Variants in MERTK observed in about 807,000 individuals in gnomAD.
MERTK encodes tyrosine-protein kinase Mer.
MERTK carries 69 observed loss-of-function variants against 99.3 expected under a neutral mutation model. That is an observed-to-expected ratio of 0.70 (90% confidence interval 0.57 to 0.85). The LOEUF (loss-of-function observed/expected upper bound fraction) is 0.85. MERTK is among the 40% of genes least tolerant of loss of function. MERTK has a pLI of 0.00. For synonymous variants in MERTK, 426 were observed against 467.6 expected, an observed-to-expected ratio of 0.91 and a Z score of 1.15; for missense variants, 1,125 against 1,249.4, an observed-to-expected ratio of 0.90 and a Z score of 1.50.
chr2:111,947,295 A>C, intron 3 of MERTK, 99 bp from the exon 4 acceptor site: 1 of 1,125,792 alleles, frequency 8.9e-7, no homozygotes, highest in Non-Finnish European at 1.3e-6. Context: ...ACAAAAAAAG[A>C]AATCTATTGC....
At chr2:112,025,852 C>T (rs1403000563) in intron 18 of MERTK, among the ~76,000 whole-genome samples, 3 of 152,184 alleles carry the variant, frequency 2.0e-5, no homozygotes, top group South Asian at 2.1e-4. Flanking sequence ...AGCTCAGTGG[C>T]GTGAAGTACA....
Position 112,029,109 on chromosome 2 carries a change from C to A in MERTK, c.*245C>A. ...TATTTTAATAAAACATTACTTATTT[C>A]ATTTCACTTATCTTGCATATCTTAA... is the stretch of plus-strand genomic sequence containing the variant. On this transcript the variant is annotated 3_prime_UTR_variant, in exon 19 of 19. Transcript: ENST00000295408. 2 of 1,183,194 alleles carry A rather than the reference C, an allele frequency of 1.7e-6. No individual in the cohort carries two copies. The highest frequency in any genetic ancestry group is 2.1e-6 in the Non-Finnish European group (2 of 948,242). 73.3% of individuals were successfully genotyped at this position (1,183,194 alleles called of 1,614,324 possible). A position where few individuals can be genotyped will look rare whatever the true frequency, so the allele number is the denominator to read the frequency against.
intron 1 of MERTK, among the ~76,000 whole-genome samples, chr2:111,928,317 C>T (rs1684606212): frequency 6.9e-6 from 1 of 145,490 alleles, no homozygotes; most frequent in Non-Finnish European, 1.5e-5. Context: ...CCTTGATCTC[C>T]TGGGCTCAAG....
intron 1 of MERTK, among the ~76,000 whole-genome samples, chr2:111,910,930 G>A (rs1195854225): frequency 6.6e-6 from 1 of 152,176 alleles, no homozygotes; most frequent in Admixed American, 6.5e-5. Flanking sequence ...CCATAGCACT[G>A]TAGGATTACT....
intron 13 of MERTK, 34 bp from the exon 14 acceptor site, chr2:112,008,349 A>T (rs1292196187): frequency 6.5e-7 from 1 of 1,528,528 alleles, no homozygotes; most frequent in Non-Finnish European, 9.1e-7. Flanking sequence ...TGAGTAAATT[A>T]TCCATACTTA....
At chr2:112,006,911 T>C (rs1326626366) in intron 13 of MERTK, among the ~76,000 whole-genome samples, 1 of 150,960 alleles carries the variant, frequency 6.6e-6, no homozygotes, top group African/African-American at 2.4e-5. Flanking sequence ...TAATATATAT[T>C]AAGCCAATAG....
chr2:111,955,142 G>C (rs1157784055), intron 4 of MERTK, among the ~76,000 whole-genome samples: 1 of 152,114 alleles, frequency 6.6e-6, no homozygotes, highest in African/African-American at 2.4e-5. Flanking sequence ...CTGAGGGAAT[G>C]CTAAGTGGTT....
chr2:111,943,997 C>T (rs1684911055), intron 2 of MERTK, among the ~76,000 whole-genome samples: 1 of 151,944 alleles, frequency 6.6e-6, no homozygotes, highest in African/African-American at 2.4e-5. Context: ...GCAGAGTCTA[C>T]CATAGAAATC....
chr2:111,903,430 A>AAGGG (rs1193351932), intron 1 of MERTK, among the ~76,000 whole-genome samples: 2 of 152,228 alleles, frequency 1.3e-5, no homozygotes, highest in African/African-American at 4.8e-5. Flanking sequence ...GGGCTGTATT[A>AAGGG]ACCCCAAACA....
At chr2:111,994,149 C>T (rs979859163) in intron 8 of MERTK, 102 bp from the exon 9 acceptor site, 242 of 1,361,962 alleles carry the variant, frequency 1.8e-4, no homozygotes, top group Non-Finnish European at 2.2e-4. Flanking sequence ...CTTCTGGCCT[C>T]GGACGTGGGC....
intron 15 of MERTK, among the ~76,000 whole-genome samples, chr2:112,015,520 A>G (rs1677199451): frequency 6.6e-6 from 1 of 151,946 alleles, no homozygotes; most frequent in African/African-American, 2.4e-5. Flanking sequence ...TTTATTTTTT[A>G]ATTGAGTTGT....
chr2:111,968,033 A>G, intron 5 of MERTK, 104 bp from the exon 6 acceptor site: 1 of 828,816 alleles, frequency 1.2e-6, no homozygotes, highest in Non-Finnish European at 2.1e-6. Flanking sequence ...TACTAATCTC[A>G]AGGAACGAAA....
intron 15 of MERTK, among the ~76,000 whole-genome samples, chr2:112,011,546 C>T (rs761956784): frequency 9.9e-5 from 15 of 152,000 alleles, no homozygotes; most frequent in South Asian, 2.1e-4. Flanking sequence ...GAGGTCAGTT[C>T]GAGACCAGCC....
chr2:112,028,321 G>T, intron 18 of MERTK, 30 bp from the exon 19 acceptor site: 1 of 1,609,348 alleles, frequency 6.2e-7, no homozygotes, highest in Non-Finnish European at 8.5e-7. Flanking sequence ...TGCCATGCTG[G>T]GAGACAATCC....
rs151145412 is a variant in MERTK, at chr2:111,975,412, A to C, written c.1084A>C (p.Met362Leu). Residue 362 changes from methionine (M) to leucine (L), a missense_variant, in exon 7 of 19, where the codon ATG (methionine) becomes CTG (leucine). Met to Leu is a conservative substitution (Grantham distance 15, BLOSUM62 2). Transcript: ENST00000295408. Reference sequence around the variant, plus strand: ...TAATTACAGCATTGGTGTTTCCTGCATGAATGAAATAGGCTGGTCTGCAGT... The same window carrying C: ...TAATTACAGCATTGGTGTTTCCTGCCTGAATGAAATAGGCTGGTCTGCAGT... The part of the protein sequence containing the change: ...LANYSIGVSC[M>L]NEIGWSAVSP... 106 of 1,614,112 alleles carry C rather than the reference A, an allele frequency of 6.6e-5. No individual in the cohort carries two copies. Among genetic ancestry groups the C allele is most frequent in the Non-Finnish European group, 8.5e-5 (100 of 1,180,050 alleles).
intron 8 of MERTK, among the ~76,000 whole-genome samples, chr2:111,987,478 G>C (rs75922635): frequency 2.0e-5 from 3 of 152,268 alleles, no homozygotes; most frequent in Admixed American, 6.5e-5. Context: ...GGTCTTGCTC[G>C]TCTTTGTACT....
intron 10 of MERTK, among the ~76,000 whole-genome samples, 155 bp downstream of exon 10, chr2:111,997,631 C>T (rs1411679484): frequency 4.6e-5 from 7 of 152,222 alleles, no homozygotes; most frequent in African/African-American, 4.8e-5. Context: ...TCCTGACTTA[C>T]GCCATGGTCT....
In MERTK at chr2:111,947,519, C is replaced by T. The variant is rs770812369; in HGVS notation, c.709C>T (p.Arg237Cys). 2 of 1,614,182 alleles carry T rather than the reference C, an allele frequency of 1.2e-6. No individual in the cohort carries two copies. Among genetic ancestry groups the T allele is most frequent in the South Asian group, 1.1e-5 (1 of 91,082 alleles). Reference sequence around the variant, plus strand: ...CATTTTCTGGGTTCAAAACAGTAGCCGTGTTAACGAACAGCCTGAAAAATC... The same window carrying T: ...CATTTTCTGGGTTCAAAACAGTAGCTGTGTTAACGAACAGCCTGAAAAATC... ...VNIFWVQNSS[R>C]VNEQPEKSPS... Residue 237 changes from arginine (R) to cysteine (C), a missense_variant, in exon 4 of 19, where the codon CGT becomes TGT. Transcript: ENST00000295408.
chr2:112,014,636 T>C (rs1677180324), intron 15 of MERTK, among the ~76,000 whole-genome samples: 2 of 139,938 alleles, frequency 1.4e-5, no homozygotes, highest in Admixed American at 1.4e-4. Flanking sequence ...ATTTATAACC[T>C]TTTTTTTTTT....
Sources: allele counts gnomAD v4.1 joint callset (sites outside exome capture counted in the v4.1 genomes callset), GRCh38; gene constraint gnomAD v4.1.1; transcripts MANE v1.5; gene names NCBI Gene and HGNC (gene_info 2026-07-23, HGNC 2026-07-21).